The following N4BP2L1 variants were observed in gnomAD, a reference collection of about 807,000 sequenced individuals.
N4BP2L1 encodes the protein NEDD4 binding protein 2 like 1, also known as NEDD4-binding protein 2-like 1.
A neutral mutation model predicts 21.2 loss-of-function variants in N4BP2L1; 12 were observed. That is an observed-to-expected ratio of 0.57 (90% CI 0.36 to 0.92). N4BP2L1 has a LOEUF of 0.92. N4BP2L1 is among the 40% of genes least tolerant of loss of function. N4BP2L1 has a pLI of 0.01. For missense variants in N4BP2L1, 259 were observed against 310.6 expected, an observed-to-expected ratio of 0.83 and a Z score of 1.25; for synonymous variants, 104 against 112.8, an observed-to-expected ratio of 0.92 and a Z score of 0.49.
At chr13:32,403,312 C>A in intron 4 of N4BP2L1, 112 bp from the exon 5 acceptor site, 1 of 1,110,156 alleles carries the variant, frequency 9.0e-7, no homozygotes, top group Non-Finnish European at 1.3e-6. Flanking sequence ...CAGGACCTAG[C>A]TCTGGCAAAA....
At position 32,402,862 on chromosome 13, in the gene N4BP2L1, G is replaced by A; in HGVS notation, c.*80C>T. 1 of 1,502,922 alleles carries A rather than the reference G, an allele frequency of 6.7e-7. No homozygotes were observed. Among genetic ancestry groups the A allele is most frequent in the Non-Finnish European group, 8.9e-7 (1 of 1,125,542 alleles). The allele number at this position is 1,502,922 out of a possible 1,614,324, so 93.1% of individuals were successfully genotyped here. A position where few individuals can be genotyped will look rare whatever the true frequency, so the allele number is the denominator to read the frequency against. ...CTATTTACACTGGAATTGGAGCTCT[G>A]ACTAAAATGCAACAAAAAATAACAA... On this transcript the variant is annotated 3_prime_UTR_variant, in exon 5 of 5. Coordinates refer to ENST00000380130, the MANE Select transcript of N4BP2L1 (RefSeq NM_052818.3).
At chr13:32,422,785 G>C (rs144533398) in intron 1 of N4BP2L1, among the ~76,000 whole-genome samples, 1 of 152,114 alleles carries the variant, frequency 6.6e-6, no homozygotes, top group Non-Finnish European at 1.5e-5. Context: ...AAGGACTCTC[G>C]GTAGTGAGGA....
At position 32,423,950 on chromosome 13, in the gene N4BP2L1, A is replaced by T. The variant is rs574001732; in HGVS notation, c.179+3954T>A. Among the ~76,000 whole-genome samples, 5 of 152,336 alleles carry T rather than the reference A, an allele frequency of 3.3e-5. No individual in the cohort carries two copies. In the East Asian group the frequency reaches 9.7e-4, roughly 29 times the overall value. On this transcript the variant is annotated intron_variant, in intron 1 of 4. Transcript: ENST00000380130. ...GTTTAAATGGTCAAAACCGGAAGGC[A>T]TTTTAACACACACAGTGGAAAGCAC...
At position 32,401,654 on chromosome 13, in the gene N4BP2L1, ATTG is replaced by A. The variant is rs1312106314; in HGVS notation, c.*1285_*1287del. 2 of 152,902 alleles carry A rather than the reference ATTG, an allele frequency of 1.3e-5. No homozygotes were observed. Among genetic ancestry groups the A allele is most frequent in the African/African-American group, 4.8e-5 (2 of 41,584 alleles). The allele number at this position is 152,902 out of a possible 1,614,324, so 9.5% of individuals were successfully genotyped here. A position where few individuals can be genotyped will look rare whatever the true frequency, so the allele number is the denominator to read the frequency against. On this transcript the variant is annotated 3_prime_UTR_variant, in exon 5 of 5. Transcript: ENST00000380130. ...GCCTGTGATACAGAAAAACTGGTAT[ATTG>A]TTGAGTTTCTTGGCATTTAGGTAAT...
chr13:32,424,361 T>G (rs1198151871), intron 1 of N4BP2L1, among the ~76,000 whole-genome samples: 1 of 152,202 alleles, frequency 6.6e-6, no homozygotes, highest in Non-Finnish European at 1.5e-5. Flanking sequence ...GAGAAGATCC[T>G]TTCTCCCTAA....
chr13:32,414,082 A>G (rs997584057), intron 1 of N4BP2L1, among the ~76,000 whole-genome samples: 1 of 152,062 alleles, frequency 6.6e-6, no homozygotes, highest in African/African-American at 2.4e-5. Flanking sequence ...AGGTTTCACC[A>G]TGTTGGCCAG....
Position 32,402,390 on chromosome 13 carries a change from T to A in N4BP2L1, c.*552A>T. On this transcript the variant is annotated 3_prime_UTR_variant, in exon 5 of 5. Transcript: ENST00000380130. ...CCAAAGTGTCTACTTTGAAGGACAATGTTCCCTTAGATGTATGCTTTCTGG... is the reference window on the plus strand; with the variant it reads ...CCAAAGTGTCTACTTTGAAGGACAAAGTTCCCTTAGATGTATGCTTTCTGG... 1 of 749,078 alleles carries A rather than the reference T, an allele frequency of 1.3e-6. No individual in the cohort carries two copies. The highest frequency in any genetic ancestry group is 1.6e-6 in the Non-Finnish European group (1 of 614,544). The allele number at this position is 749,078 out of a possible 1,614,324, so 46.4% of individuals were successfully genotyped here. A position where few individuals can be genotyped will look rare whatever the true frequency, so the allele number is the denominator to read the frequency against.
At chr13:32,419,697 C>T (rs1049138444) in intron 1 of N4BP2L1, among the ~76,000 whole-genome samples, 6 of 152,074 alleles carry the variant, frequency 3.9e-5, no homozygotes, top group South Asian at 2.1e-4. Flanking sequence ...GAGGCCTCCC[C>T]GGCCATGCTG....
Position 32,402,036 on chromosome 13 carries a change from T to C in N4BP2L1, c.*906A>G, listed in dbSNP as rs1027161062. The C allele has an allele frequency of 3.0e-6, 3 of 985,336 alleles. No homozygotes were observed. The highest frequency in any genetic ancestry group is 3.5e-5 in the African/African-American group (2 of 57,252). The allele number at this position is 985,336 out of a possible 1,614,324, so 61.0% of individuals were successfully genotyped here. On this transcript the variant is annotated 3_prime_UTR_variant, in exon 5 of 5. Transcript: ENST00000380130. ...TTGTAATGAGCATGGCTTTTATATA[T>C]CCCTGTATGACCTATATCCTGGGGT...
chr13:32,407,148 A>G, intron 3 of N4BP2L1, 102 bp downstream of exon 3: 1 of 1,222,048 alleles, frequency 8.2e-7, no homozygotes, highest in South Asian at 1.3e-5. Context: ...ACTGTTAGCA[A>G]ATATGAAATC....
intron 1 of N4BP2L1, among the ~76,000 whole-genome samples, chr13:32,426,585 G>A (rs1314071700): frequency 6.6e-6 from 1 of 152,132 alleles, no homozygotes; most frequent in Non-Finnish European, 1.5e-5. Context: ...ACCTCCCCAG[G>A]CTGTCCCTCC....
chr13:32,428,475 C>T (rs2074918277), upstream of N4BP2L1, among the ~76,000 whole-genome samples: 1 of 152,164 alleles, frequency 6.6e-6, no homozygotes, highest in South Asian at 2.1e-4. Flanking sequence ...TGCCTAGACC[C>T]TGAAAGTGAA....
rs2073099078 is a variant in N4BP2L1, at chr13:32,400,921, C to T, written c.*2021G>A. 6.6e-6 allele frequency: 1 copy of T among 152,136 alleles called. No individual in the cohort carries two copies. Among genetic ancestry groups the T allele is most frequent in the South Asian group, 2.1e-4 (1 of 4,820 alleles). 9.4% of individuals were successfully genotyped at this position (152,136 alleles called of 1,614,324 possible). A position where few individuals can be genotyped will look rare whatever the true frequency, so the allele number is the denominator to read the frequency against. On this transcript the variant is annotated 3_prime_UTR_variant, in exon 5 of 5. Coordinates refer to ENST00000380130, the MANE Select transcript of N4BP2L1 (RefSeq NM_052818.3). ...CTTCTACAGGGGATAAAGTTGATGG[C>T]ATTTAATCAATTTTTATGGTTTACA...
intron 4 of N4BP2L1, chr13:32,403,909 T>G (rs1292319662): frequency 2.0e-6 from 1 of 503,026 alleles, no homozygotes; most frequent in South Asian, 2.1e-5. Context: ...ATTTGAACAT[T>G]TATTGCTTTA....
At position 32,402,321 on chromosome 13, in the gene N4BP2L1, G is replaced by A. The variant is rs1463604597; in HGVS notation, c.*621C>T. On this transcript the variant is annotated 3_prime_UTR_variant, in exon 5 of 5. Transcript: ENST00000380130. ...TCCTGTAGCTATTAAGGATTTGACA[G>A]CATTTTTAACAATGATACATCATTA... 1 of 581,328 alleles carries A rather than the reference G, an allele frequency of 1.7e-6. No individual in the cohort carries two copies. Among genetic ancestry groups the A allele is most frequent in the Non-Finnish European group, 2.2e-6 (1 of 461,270 alleles). The allele number at this position is 581,328 out of a possible 1,614,324, so 36.0% of individuals were successfully genotyped here. A position where few individuals can be genotyped will look rare whatever the true frequency, so the allele number is the denominator to read the frequency against.
chr13:32,403,455 C>G (rs1030221318), intron 4 of N4BP2L1, among the ~76,000 whole-genome samples: 1 of 152,132 alleles, frequency 6.6e-6, no homozygotes, highest in African/African-American at 2.4e-5. Context: ...TTCTGGTCCT[C>G]TCAATTACGT....
Position 32,407,628 on chromosome 13 carries a change from G to A in N4BP2L1, c.307+17C>T, listed in dbSNP as rs1181565383. 1.9e-6 allele frequency: 3 copies of A among 1,611,894 alleles called. No homozygotes were observed. Among genetic ancestry groups the A allele is most frequent in the South Asian group, 1.1e-5 (1 of 91,050 alleles). On this transcript the variant is annotated intron_variant, in intron 2 of 4. Coordinates refer to ENST00000380130, the MANE Select transcript of N4BP2L1 (RefSeq NM_052818.3). ...GCACATCAGGGTTTCCCAGGAGTTT[G>A]GGAAGGAATTTGTCACCTCTTTTTT...
At chr13:32,404,099 C>G in intron 4 of N4BP2L1, 2 of 1,522,698 alleles carry the variant, frequency 1.3e-6, no homozygotes, top group African/African-American at 2.8e-5. Context: ...TTTAAAGGAC[C>G]AAGTCCAAGC....
intron 1 of N4BP2L1, chr13:32,420,519 T>A (rs148224285): frequency 6.6e-6 from 1 of 152,320 alleles, no homozygotes; most frequent in East Asian, 1.9e-4. Context: ...TCCCAATTTT[T>A]AAATTTCTTC....
Sources: gnomAD v4.1 joint callset for allele counts (sites outside exome capture counted in the v4.1 genomes callset) on GRCh38, gnomAD v4.1.1 for gene constraint, MANE v1.5 for transcripts, NCBI Gene and HGNC (gene_info 2026-07-23, HGNC 2026-07-21) for gene names.